The following AIG1 variants were observed in gnomAD, a reference collection of about 807,000 sequenced individuals.
The protein encoded by AIG1 is androgen induced 1.
Under a neutral mutation model 31.4 loss-of-function variants are expected in AIG1, and 23 were observed. That is an observed-to-expected ratio of 0.73 (90% CI 0.53 to 1.04). The LOEUF (loss-of-function observed/expected upper bound fraction) is 1.04. Ranked by LOEUF, AIG1 falls within the 50% of genes least tolerant of loss-of-function variation. The pLI, the probability that AIG1 is intolerant of heterozygous loss-of-function variation, is 0.00. For synonymous variants in AIG1, 100 were observed against 110.5 expected (o/e 0.90, Z 0.60); for missense variants, 274 against 295.0 (o/e 0.93, Z 0.52).
chr6:143,177,353 G>A (rs953898826), intron 3 of AIG1, among the ~76,000 whole-genome samples: 2 of 152,088 alleles, frequency 1.3e-5, no homozygotes, highest in African/African-American at 4.8e-5. Flanking sequence ...AAGGTATCAC[G>A]TTTCCTTACT....
At chr6:143,135,389 A>G (rs1056260148) in intron 1 of AIG1, among the ~76,000 whole-genome samples, 5 of 152,114 alleles carry the variant, frequency 3.3e-5, no homozygotes, top group Non-Finnish European at 7.4e-5. Context: ...TAGAAAATAG[A>G]ACATTTTTCT....
At chr6:143,341,078 CTCTT>C (rs1414704257), downstream of AIG1, among the ~76,000 whole-genome samples, 1 of 152,154 alleles carries the variant, frequency 6.6e-6, no homozygotes, top group African/African-American at 2.4e-5. Context: ...CTCTGTCTCT[CTCTT>C]TCTCCCACAC....
At chr6:143,323,087 C>T (rs1200518341) in intron 4 of AIG1, among the ~76,000 whole-genome samples, 1 of 152,056 alleles carries the variant, frequency 6.6e-6, no homozygotes, top group Non-Finnish European at 1.5e-5. Context: ...AAATAGTATC[C>T]AAGGTGAACT....
chr6:143,237,205 C>G (rs911893194), intron 3 of AIG1, among the ~76,000 whole-genome samples: 1 of 152,194 alleles, frequency 6.6e-6, no homozygotes, highest in Non-Finnish European at 1.5e-5. Context: ...AACATAGTGT[C>G]ACACATCCAT....
intron 3 of AIG1, among the ~76,000 whole-genome samples, chr6:143,170,223 T>C (rs952256874): frequency 6.6e-6 from 1 of 152,152 alleles, no homozygotes; most frequent in Non-Finnish European, 1.5e-5. Context: ...TCCTGGGCTT[T>C]ACATTGTTCG....
In AIG1 at chr6:143,256,627, G is replaced by A. The variant is rs78961155; in HGVS notation, c.400-27483G>A. On this transcript the variant is annotated intron_variant, in intron 3 of 5. Coordinates refer to ENST00000357847, the MANE Select transcript of AIG1 (RefSeq NM_016108.4). The surrounding 1 kb of genome is among the most constrained non-coding windows in gnomAD (Gnocchi z 4.6). ...AACCGTTACAGCTGAAATAGGGTGG[G>A]AAAGGATCTTACTGAAATAAACATA... Among the ~76,000 whole-genome samples, 1,441 of 152,332 alleles carry A rather than the reference G, an allele frequency of 9.5e-3. 44 individuals are homozygous for A. The highest frequency in any genetic ancestry group is 0.065 in the East Asian group (337 of 5,188).
chr6:143,088,907 G>A (rs9496517), intron 1 of AIG1, among the ~76,000 whole-genome samples: 2,483 of 152,130 alleles, frequency 0.016, 47 homozygotes, highest in African/African-American at 0.048. Flanking sequence ...ATGATAATTC[G>A]TAACATAAGA....
At chr6:143,336,173 T>C (rs1777473310) in intron 5 of AIG1, among the ~76,000 whole-genome samples, 1 of 152,168 alleles carries the variant, frequency 6.6e-6, no homozygotes, top group South Asian at 2.1e-4. Flanking sequence ...CATCAGTTAC[T>C]ATACAATCCC....
chr6:143,288,065 C>T lies in AIG1; in HGVS notation c.515+3840C>T, dbSNP rs1797814225. On this transcript the variant is annotated intron_variant, in intron 4 of 5. Transcript: ENST00000357847. This position sits in a 1 kb window ranked among gnomAD's most constrained non-coding sequence, Gnocchi z 4.4. ...CTGTCTCTTGTCACCTTCTAGTTGACATGTATAAAAGAGAAGACATCTTTG... is the reference window on the plus strand; with the variant it reads ...CTGTCTCTTGTCACCTTCTAGTTGATATGTATAAAAGAGAAGACATCTTTG... 6.6e-6 allele frequency among the ~76,000 whole-genome samples: 1 copy of T among 152,110 alleles called. No homozygotes were observed. The highest frequency in any genetic ancestry group is 1.5e-5 in the Non-Finnish European group (1 of 68,032).
chr6:143,309,135 T>A (rs1775056504), intron 4 of AIG1, among the ~76,000 whole-genome samples: 1 of 151,846 alleles, frequency 6.6e-6, no homozygotes, highest in African/African-American at 2.4e-5. Context: ...ATATTAAAAG[T>A]ATTGAGTATT....
rs55640326 is a variant in AIG1, at chr6:143,090,560, G to A, written c.141+29494G>A. ...AAAGTGAATATTGCAATAAAGTGAC[G>A]CACATGAATTTTTTGGTTTCACAGT... On this transcript the variant is annotated intron_variant, in intron 1 of 5. Transcript: ENST00000357847. Among the ~76,000 whole-genome samples, 294 of 152,206 alleles carry A rather than the reference G, an allele frequency of 1.9e-3. 2 individuals carry two copies. Among genetic ancestry groups the A allele is most frequent in the African/African-American group, 6.6e-3 (275 of 41,526 alleles).
chr6:143,298,214 A>G lies in AIG1; in HGVS notation c.515+13989A>G, dbSNP rs1424615461. On this transcript the variant is annotated intron_variant, in intron 4 of 5. Coordinates refer to ENST00000357847, the MANE Select transcript of AIG1 (RefSeq NM_016108.4). This position sits in a 1 kb window ranked among gnomAD's most constrained non-coding sequence, Gnocchi z 5.1. ...CCTCTGGAGAAATCCAGGAATTGTC[A>G]TTTGTACTCTGTGGAGATCTGATCA... Among the ~76,000 whole-genome samples the G allele has an allele frequency of 6.6e-6, 1 of 152,182 alleles. No individual in the cohort carries two copies. Among genetic ancestry groups the G allele is most frequent in the Non-Finnish European group, 1.5e-5 (1 of 68,030 alleles).
rs116415619 is a variant in AIG1 at position 143,316,222 on chromosome 6, G to T, written c.516-17060G>T. On this transcript the variant is annotated intron_variant, in intron 4 of 5. Transcript: ENST00000357847. ...CAATGGTGCAAAATATCTGAGAAAAGCTGCATTTAAAAGGATAAAATGAGT... is the reference window on the plus strand; with the variant it reads ...CAATGGTGCAAAATATCTGAGAAAATCTGCATTTAAAAGGATAAAATGAGT... Among the ~76,000 whole-genome samples, 1,267 of 152,120 alleles carry T rather than the reference G, an allele frequency of 8.3e-3. 17 individuals carry two copies. The highest frequency in any genetic ancestry group is 0.029 in the African/African-American group (1,191 of 41,520).
rs1483355145 is a variant in AIG1 at position 143,333,490 on chromosome 6, G to A, written c.679+45G>A. On this transcript the variant is annotated intron_variant, in intron 5 of 5. Coordinates refer to ENST00000357847, the MANE Select transcript of AIG1 (RefSeq NM_016108.4). The surrounding 1 kb of genome is among the most constrained non-coding windows in gnomAD (Gnocchi z 4.6). ...ACATAAAACAAGAGAATTACTGCCGGCAACAGTCTATGCAGAGACTGAGGG... is the reference window on the plus strand; with the variant it reads ...ACATAAAACAAGAGAATTACTGCCGACAACAGTCTATGCAGAGACTGAGGG... 5 of 1,593,446 alleles carry A rather than the reference G, an allele frequency of 3.1e-6. No individual in the cohort carries two copies. The highest frequency in any genetic ancestry group is 2.7e-5 in the African/African-American group (2 of 73,970).
chr6:143,189,687 C>G (rs954307673), intron 3 of AIG1: 1 of 985,030 alleles, frequency 1.0e-6, no homozygotes, highest in African/African-American at 1.7e-5. Flanking sequence ...TTTTCTGTAC[C>G]TAAATGTTTT....
At position 143,291,225 on chromosome 6, in the gene AIG1, A is replaced by G. The variant is rs1028660065; in HGVS notation, c.515+7000A>G. 6.6e-6 allele frequency among the ~76,000 whole-genome samples: 1 copy of G among 152,270 alleles called. No individual in the cohort carries two copies. Among genetic ancestry groups the G allele is most frequent in the Admixed American group, 6.5e-5 (1 of 15,296 alleles). ...GTGATCCCATCATTGTACATGTCAA[A>G]GTTTCTTGTAGATCTGGTTTGACAT... is the stretch of plus-strand genomic sequence containing the variant. On this transcript the variant is annotated intron_variant, in intron 4 of 5. Coordinates refer to ENST00000357847, the MANE Select transcript of AIG1 (RefSeq NM_016108.4). This position sits in a 1 kb window ranked among gnomAD's most constrained non-coding sequence, Gnocchi z 4.2.
chr6:143,298,036 T>G lies in AIG1; in HGVS notation c.515+13811T>G, dbSNP rs557367403. 6.6e-6 allele frequency among the ~76,000 whole-genome samples: 1 copy of G among 151,486 alleles called. No individual in the cohort carries two copies. The highest frequency in any genetic ancestry group is 2.1e-4 in the South Asian group (1 of 4,796). On this transcript the variant is annotated intron_variant, in intron 4 of 5. Transcript: ENST00000357847. This position sits in a 1 kb window ranked among gnomAD's most constrained non-coding sequence, Gnocchi z 5.1. ...AATACAAATCATTTTGCAACTAGAA[T>G]GAGTAATTTAGCCCTGTGACATTCT...
intron 1 of AIG1, among the ~76,000 whole-genome samples, chr6:143,123,235 G>T (rs1274103840): frequency 6.6e-6 from 1 of 152,178 alleles, no homozygotes; most frequent in Admixed American, 6.5e-5. Context: ...CATCCCAGAT[G>T]TGTGCTAAGC....
At chr6:143,266,339 TC>T (rs1796150850) in intron 3 of AIG1, among the ~76,000 whole-genome samples, 2 of 98,186 alleles carry the variant, frequency 2.0e-5, no homozygotes, top group East Asian at 6.7e-4. Context: ...AGAGTAAGAG[TC>T]CGTCTCAAAA....
Sources: allele counts gnomAD v4.1 joint callset (sites outside exome capture counted in the v4.1 genomes callset), GRCh38; gene constraint gnomAD v4.1.1; non-coding constraint Gnocchi (gnomAD v3.1); transcripts MANE v1.5; gene names NCBI Gene and HGNC (gene_info 2026-07-23, HGNC 2026-07-21).